SDC2: variants seen among roughly 807,000 people sequenced by gnomAD.
The protein encoded by SDC2 is syndecan-2.
A neutral mutation model predicts 22.2 loss-of-function variants in SDC2; 13 were observed. That is an observed-to-expected ratio of 0.59 (90% confidence interval 0.38 to 0.93). The LOEUF (loss-of-function observed/expected upper bound fraction) is 0.93, where lower values mean the gene tolerates loss of function less well. Ranked by LOEUF, SDC2 falls within the 40% of genes least tolerant of loss-of-function variation. The probability of loss-of-function intolerance (pLI) is 0.00; values close to 1 mark genes in which losing one functional copy is unlikely to be tolerated. For synonymous variants in SDC2, 94 were observed against 92.8 expected, an observed-to-expected ratio of 1.01 and a Z score of -0.07; for missense variants, 235 against 246.8, an observed-to-expected ratio of 0.95 and a Z score of 0.32.
Position 96,540,504 on chromosome 8 carries a change from G to A in SDC2, c.60+46173G>A, listed in dbSNP as rs556107100. On this transcript the variant is annotated intron_variant, in intron 1 of 4. Coordinates refer to ENST00000302190, the MANE Select transcript of SDC2 (RefSeq NM_002998.4). Reference sequence around the variant, plus strand: ...CCAACCTGGGTGACAGTGAGACCCCGCCTCCAAAAAAAAAAAAAATCTGTA... The same window carrying A: ...CCAACCTGGGTGACAGTGAGACCCCACCTCCAAAAAAAAAAAAAATCTGTA... Among the ~76,000 whole-genome samples the A allele has an allele frequency of 1.4e-4, 14 of 101,316 alleles. No homozygotes were observed. In the East Asian group the frequency reaches 1.7e-3, roughly 12 times the overall value. 66.5% of individuals were successfully genotyped at this position (101,316 alleles called of 152,430 possible). A position where few individuals can be genotyped will look rare whatever the true frequency, so the allele number is the denominator to read the frequency against.
rs1003169970 is a variant in SDC2, at chr8:96,495,952, A to G, written c.60+1621A>G. Among the ~76,000 whole-genome samples, 111 of 152,316 alleles carry G rather than the reference A, an allele frequency of 7.3e-4. 2 individuals are homozygous for G. Among genetic ancestry groups the G allele is most frequent in the African/African-American group, 2.4e-3 (99 of 41,572 alleles). On this transcript the variant is annotated intron_variant, in intron 1 of 4. Coordinates refer to ENST00000302190, the MANE Select transcript of SDC2 (RefSeq NM_002998.4). ...ATTAGTTATCTCCCAGCCAGTTAGGATGAACTTTGGCTCTTTGTACACCAA... is the reference window on the plus strand; with the variant it reads ...ATTAGTTATCTCCCAGCCAGTTAGGGTGAACTTTGGCTCTTTGTACACCAA...
chr8:96,530,902 G>A (rs996551754), intron 1 of SDC2, among the ~76,000 whole-genome samples: 36 of 152,138 alleles, frequency 2.4e-4, no homozygotes, highest in Non-Finnish European at 7.4e-5. Context: ...GGACCTCAGG[G>A]TCATCTAATC....
chr8:96,515,543 AC>A (rs1280817379), intron 1 of SDC2, among the ~76,000 whole-genome samples: 1 of 152,112 alleles, frequency 6.6e-6, no homozygotes, highest in Non-Finnish European at 1.5e-5. Flanking sequence ...GAAAATGTCC[AC>A]CTGTTAGAGA....
intron 1 of SDC2, among the ~76,000 whole-genome samples, chr8:96,588,347 G>A (rs898734806): frequency 1.3e-5 from 2 of 152,208 alleles, no homozygotes; most frequent in African/African-American, 4.8e-5. Context: ...CTTAAGGACA[G>A]GTATATCATC....
At chr8:96,594,272 G>C (rs1291590853) in intron 2 of SDC2, among the ~76,000 whole-genome samples, 2 of 152,140 alleles carry the variant, frequency 1.3e-5, no homozygotes, top group Non-Finnish European at 2.9e-5. Context: ...GGCTGGCTGG[G>C]CTCCCTCACA....
chr8:96,580,334 G>C, intron 1 of SDC2: 1 of 965,572 alleles, frequency 1.0e-6, no homozygotes, highest in South Asian at 4.8e-5. Context: ...CAGCAGGAAG[G>C]GAGAGTCAGA....
At chr8:96,608,869 G>A (rs1029881780) in intron 4 of SDC2, among the ~76,000 whole-genome samples, 1 of 152,148 alleles carries the variant, frequency 6.6e-6, no homozygotes, top group Non-Finnish European at 1.5e-5. Flanking sequence ...TGCCCAAAGT[G>A]TTAAGAACGT....
chr8:96,598,744 TAGTG>T (rs1478983208), intron 2 of SDC2, among the ~76,000 whole-genome samples: 1 of 151,898 alleles, frequency 6.6e-6, no homozygotes, highest in Middle Eastern at 3.2e-3. Context: ...CTGTACTTGA[TAGTG>T]AGAGCAGGAG....
At chr8:96,599,788 G>C (rs936213987) in intron 2 of SDC2, among the ~76,000 whole-genome samples, 1 of 152,102 alleles carries the variant, frequency 6.6e-6, no homozygotes, top group South Asian at 2.1e-4. Flanking sequence ...CATTTCTTCT[G>C]TATAATAATG....
chr8:96,531,933 C>A (rs966679414), intron 1 of SDC2, among the ~76,000 whole-genome samples: 2 of 152,138 alleles, frequency 1.3e-5, no homozygotes, highest in African/African-American at 2.4e-5. Flanking sequence ...CAGTTTATGG[C>A]GCTAGGTTTG....
intron 1 of SDC2, among the ~76,000 whole-genome samples, chr8:96,592,201 G>A (rs1423659761): frequency 6.6e-6 from 1 of 152,186 alleles, no homozygotes. Flanking sequence ...AGGCCTGGTG[G>A]AGAATGTGGG....
chr8:96,535,731 T>A (rs1432612801), intron 1 of SDC2, among the ~76,000 whole-genome samples: 1 of 152,228 alleles, frequency 6.6e-6, no homozygotes, highest in East Asian at 1.9e-4. Context: ...TATATCCACA[T>A]GCTATTCCAC....
intron 1 of SDC2, among the ~76,000 whole-genome samples, chr8:96,571,292 G>A (rs979508314): frequency 1.8e-4 from 27 of 152,108 alleles, no homozygotes; most frequent in African/African-American, 6.3e-4. Flanking sequence ...CTTGAGGGAA[G>A]CATTTCAGGC....
At chr8:96,577,313 C>A (rs1329027756) in intron 1 of SDC2, among the ~76,000 whole-genome samples, 1 of 152,200 alleles carries the variant, frequency 6.6e-6, no homozygotes, top group Non-Finnish European at 1.5e-5. Flanking sequence ...TGTGATTCAT[C>A]TAAAACCTGG....
At position 96,593,383 on chromosome 8, in the gene SDC2, G is replaced by A. The variant is rs1814817462; in HGVS notation, c.61-97G>A. ...TGGATTCAGACTACTGTGGGAGTGG[G>A]AGGGGTAGTCACTGCAGTATGTACC... is the stretch of plus-strand genomic sequence containing the variant. On this transcript the variant is annotated intron_variant, in intron 1 of 4. Coordinates refer to ENST00000302190, the MANE Select transcript of SDC2 (RefSeq NM_002998.4). The A allele has an allele frequency of 1.6e-5, 12 of 737,554 alleles. No individual in the cohort carries two copies. The South Asian group carries it at 1.8e-4, about 11-fold the overall frequency. 45.7% of individuals were successfully genotyped at this position (737,554 alleles called of 1,614,324 possible).
intron 1 of SDC2, among the ~76,000 whole-genome samples, chr8:96,575,392 T>A (rs1814471101): frequency 1.1e-5 from 1 of 94,030 alleles, no homozygotes; most frequent in Non-Finnish European, 2.1e-5. Context: ...TAGGGTGGGG[T>A]GGTGGCGGGG....
chr8:96,606,776 G>A (rs2575741), intron 3 of SDC2, among the ~76,000 whole-genome samples: 2,190 of 152,306 alleles, frequency 0.014, 61 homozygotes, highest in African/African-American at 0.05. Flanking sequence ...TAATTTCTGT[G>A]TAAATAATCC....
In SDC2 at chr8:96,580,626, C is replaced by A. The variant is rs928684811; in HGVS notation, c.61-12854C>A. On this transcript the variant is annotated intron_variant, in intron 1 of 4. Transcript: ENST00000302190. The stretch of plus-strand genomic sequence containing the variant: ...ATATTAGAAACATTGGTCCCATCCT[C>A]ACAGGGCATGGGACAGGGCCCAAGC... 6.0e-6 allele frequency: 4 copies of A among 670,488 alleles called. No individual in the cohort carries two copies. In the African/African-American group the frequency reaches 7.8e-5, roughly 13 times the overall value. 41.5% of individuals were successfully genotyped at this position (670,488 alleles called of 1,614,324 possible).
At chr8:96,504,961 C>T (rs1813217866) in intron 1 of SDC2, among the ~76,000 whole-genome samples, 2 of 151,736 alleles carry the variant, frequency 1.3e-5, no homozygotes. Context: ...CTCTGGCAGA[C>T]AGGTGTGGGG....
Sources: gnomAD v4.1 joint callset for allele counts (sites outside exome capture counted in the v4.1 genomes callset) on GRCh38, gnomAD v4.1.1 for gene constraint, MANE v1.5 for transcripts, NCBI Gene and HGNC (gene_info 2026-07-23, HGNC 2026-07-21) for gene names.